NKAIN2: variants seen among roughly 807,000 people sequenced by gnomAD.
The protein encoded by NKAIN2 is sodium/potassium-transporting ATPase subunit beta-1-interacting protein 2.
Under a neutral mutation model 32.6 loss-of-function variants are expected in NKAIN2, and 14 were observed. The ratio of observed to expected loss-of-function variants is 0.43; its 90% CI spans 0.28 to 0.67. The LOEUF (loss-of-function observed/expected upper bound fraction) is 0.67, where lower values mean the gene tolerates loss of function less well. NKAIN2 is among the 30% of genes least tolerant of loss of function. NKAIN2 has a pLI of 0.17. For missense variants in NKAIN2, 198 were observed against 258.3 expected (o/e 0.77, Z 1.60); for synonymous variants, 80 against 87.2 (o/e 0.92, Z 0.46).
chr6:123,975,478 G>C (rs921315256), intron 1 of NKAIN2, among the ~76,000 whole-genome samples: 3 of 152,154 alleles, frequency 2.0e-5, no homozygotes, highest in African/African-American at 7.2e-5. Flanking sequence ...AAAGTTACTT[G>C]TCTATAAACT....
At chr6:124,217,445 GTCTT>G (rs1791535800) in intron 1 of NKAIN2, among the ~76,000 whole-genome samples, 1 of 151,648 alleles carries the variant, frequency 6.6e-6, no homozygotes, top group African/African-American at 2.4e-5. Flanking sequence ...AAAAAAAAAA[GTCTT>G]TCAGGGGGTG....
intron 3 of NKAIN2, among the ~76,000 whole-genome samples, chr6:124,442,021 G>T (rs1287674854): frequency 6.6e-6 from 1 of 152,032 alleles, no homozygotes; most frequent in Non-Finnish European, 1.5e-5. Flanking sequence ...CTTCTGTCGT[G>T]TTGGCAGGTG....
intron 1 of NKAIN2, among the ~76,000 whole-genome samples, chr6:124,278,154 A>G (rs1300557864): frequency 6.6e-6 from 1 of 152,136 alleles, no homozygotes; most frequent in African/African-American, 2.4e-5. Flanking sequence ...AATATGTTCA[A>G]GTGCATGTAA....
At chr6:124,752,164 T>C (rs2114713183) in intron 4 of NKAIN2, among the ~76,000 whole-genome samples, 1 of 152,130 alleles carries the variant, frequency 6.6e-6, no homozygotes, top group Non-Finnish European at 1.5e-5. Flanking sequence ...TCATGGCCCG[T>C]GCTATCCCTT....
At chr6:124,039,280 T>C (rs1013005709) in intron 1 of NKAIN2, among the ~76,000 whole-genome samples, 1 of 152,044 alleles carries the variant, frequency 6.6e-6, no homozygotes, top group African/African-American at 2.4e-5. Flanking sequence ...AGTTAATATA[T>C]GATAGGGCAT....
At chr6:124,001,576 T>C (rs1347953235) in intron 1 of NKAIN2, among the ~76,000 whole-genome samples, 6 of 151,828 alleles carry the variant, frequency 4.0e-5, no homozygotes, top group Non-Finnish European at 8.8e-5. Context: ...TTTCCTAAAA[T>C]ACTCCATTAA....
intron 1 of NKAIN2, among the ~76,000 whole-genome samples, chr6:124,043,726 T>G (rs570931232): frequency 1.6e-4 from 24 of 152,216 alleles, no homozygotes; most frequent in Admixed American, 5.2e-4. Flanking sequence ...TTTAGCAGAT[T>G]GTCTTACATT....
chr6:124,762,980 T>C (rs149448805), intron 4 of NKAIN2, among the ~76,000 whole-genome samples: 302 of 152,340 alleles, frequency 2.0e-3, no homozygotes, highest in African/African-American at 7.0e-3. Context: ...GTTCTTTTGT[T>C]TGCATGTACT....
At chr6:124,203,191 GT>G (rs1414006783) in intron 1 of NKAIN2, among the ~76,000 whole-genome samples, 1 of 151,852 alleles carries the variant, frequency 6.6e-6, no homozygotes, top group East Asian at 1.9e-4. Flanking sequence ...AAAATAGTTT[GT>G]TGAGGGGGAT....
chr6:124,814,080 C>A (rs888176775), intron 5 of NKAIN2, among the ~76,000 whole-genome samples: 1 of 152,068 alleles, frequency 6.6e-6, no homozygotes, highest in African/African-American at 2.4e-5. Flanking sequence ...GAAAAAATAC[C>A]TCTACCTCTC....
intron 3 of NKAIN2, among the ~76,000 whole-genome samples, chr6:124,521,271 T>C (rs932109041): frequency 1.3e-5 from 2 of 152,206 alleles, no homozygotes; most frequent in Non-Finnish European, 2.9e-5. Context: ...ATGTTGACTG[T>C]AGGTGTTTTC....
At chr6:123,870,780 G>T (rs1691381769) in intron 1 of NKAIN2, among the ~76,000 whole-genome samples, 2 of 152,124 alleles carry the variant, frequency 1.3e-5, no homozygotes, top group African/African-American at 4.8e-5. Context: ...GTTTTCAGTG[G>T]CAAATACATG....
chr6:124,210,296 G>A (rs1791104555), intron 1 of NKAIN2, among the ~76,000 whole-genome samples: 2 of 151,766 alleles, frequency 1.3e-5, no homozygotes, highest in South Asian at 4.1e-4. Context: ...ATTGGTTTAT[G>A]TGTCTGTTTT....
chr6:124,312,986 C>T (rs1796786351), intron 2 of NKAIN2, among the ~76,000 whole-genome samples: 1 of 152,076 alleles, frequency 6.6e-6, no homozygotes, highest in African/African-American at 2.4e-5. Context: ...ATTCTGCTTT[C>T]TGAGGCCTAA....
At chr6:124,599,247 C>CA (rs920557163) in intron 3 of NKAIN2, among the ~76,000 whole-genome samples, 26 of 146,014 alleles carry the variant, frequency 1.8e-4, no homozygotes, top group Non-Finnish European at 2.9e-4. Flanking sequence ...AATAAAAACT[C>CA]AAAAAAAAAG....
chr6:124,187,154 A>C (rs1789786093), intron 1 of NKAIN2, among the ~76,000 whole-genome samples: 1 of 152,070 alleles, frequency 6.6e-6, no homozygotes, highest in Admixed American at 6.5e-5. Flanking sequence ...TGGAGTCTTT[A>C]ATACTTTTCT....
chr6:123,983,641 A>AC (rs774274366), intron 1 of NKAIN2, among the ~76,000 whole-genome samples: 5 of 151,394 alleles, frequency 3.3e-5, no homozygotes, highest in South Asian at 2.1e-4. Context: ...TTTCCACACT[A>AC]CCCCCCCACC....
chr6:124,790,716 T>G (rs1386930486), intron 4 of NKAIN2, among the ~76,000 whole-genome samples: 1 of 152,070 alleles, frequency 6.6e-6, no homozygotes, highest in Non-Finnish European at 1.5e-5. Flanking sequence ...CAGACCTTTT[T>G]GTAGTGTTTC....
intron 4 of NKAIN2, among the ~76,000 whole-genome samples, chr6:124,740,716 T>C (rs1365453725): frequency 1.3e-5 from 2 of 151,800 alleles, no homozygotes; most frequent in Non-Finnish European, 2.9e-5. Context: ...TCTAAGAAAC[T>C]ATAAGACAGC....
Sources: allele counts gnomAD v4.1 joint callset (sites outside exome capture counted in the v4.1 genomes callset), GRCh38; gene constraint gnomAD v4.1.1; transcripts MANE v1.5; gene names NCBI Gene and HGNC (gene_info 2026-07-23, HGNC 2026-07-21).